The following SFMBT2 variants were observed in gnomAD, a reference collection of about 807,000 sequenced individuals.
SFMBT2 encodes the protein scm-like with four MBT domains protein 2.
In SFMBT2, 38 loss-of-function variants were observed where a neutral mutation model predicts 110.1. The observed-to-expected ratio is 0.35, with a 90% CI of 0.27 to 0.45. SFMBT2 has a LOEUF of 0.45. Ranked by LOEUF, SFMBT2 falls within the 20% of genes least tolerant of loss-of-function variation. The pLI is 1.00. For missense variants in SFMBT2, 1,011 were observed against 1,094.9 expected (o/e 0.92, Z 1.08); for synonymous variants, 425 against 425.4 (o/e 1.00, Z 0.01).
intron 15 of SFMBT2, among the ~76,000 whole-genome samples, chr10:7,195,726 C>T (rs2131591333): frequency 6.6e-6 from 1 of 152,302 alleles, no homozygotes. Flanking sequence ...ACCTGTTCCG[C>T]AGTCCCCACA....
At chr10:7,365,908 G>C (rs149885600) in intron 4 of SFMBT2, among the ~76,000 whole-genome samples, 1 of 152,178 alleles carries the variant, frequency 6.6e-6, no homozygotes, top group Non-Finnish European at 1.5e-5. Flanking sequence ...ACAACCTTGT[G>C]AATATACTAA....
At chr10:7,312,279 A>C (rs1462313864) in intron 4 of SFMBT2, among the ~76,000 whole-genome samples, 1 of 152,194 alleles carries the variant, frequency 6.6e-6, no homozygotes, top group Non-Finnish European at 1.5e-5. Context: ...TTGTAGGAGT[A>C]GTAACGGCAT....
At chr10:7,286,675 T>A (rs1166346948) in intron 4 of SFMBT2, among the ~76,000 whole-genome samples, 2 of 152,218 alleles carry the variant, frequency 1.3e-5, no homozygotes, top group Admixed American at 1.3e-4. Flanking sequence ...TGCAGAAAGA[T>A]GTACATAGGT....
chr10:7,321,467 C>T (rs772482852), intron 4 of SFMBT2, among the ~76,000 whole-genome samples: 1 of 152,134 alleles, frequency 6.6e-6, no homozygotes, highest in Non-Finnish European at 1.5e-5. Context: ...TCCCAAAGTG[C>T]TGGGATTACA....
intron 1 of SFMBT2, among the ~76,000 whole-genome samples, chr10:7,405,809 C>A (rs1200530838): frequency 3.4e-5 from 5 of 147,192 alleles, no homozygotes; most frequent in Admixed American, 6.9e-5. Flanking sequence ...TCCACCTACA[C>A]ACTAGGCCCG....
Position 7,172,216 on chromosome 10 carries a change from C to A in SFMBT2, c.2152-58G>T. On this transcript the variant is annotated intron_variant, in intron 18 of 20. Coordinates refer to ENST00000397167, the MANE Select transcript of SFMBT2 (RefSeq NM_001387889.1). The surrounding 1 kb of genome is among the most constrained non-coding windows in gnomAD (Gnocchi z 4.6). ...GTGGCCCGGGGGCCTGTAGCGGTGG[C>A]CCCGCGGTCAGACCCTGGGCCCAGT... 2.0e-6 allele frequency: 3 copies of A among 1,506,192 alleles called. No homozygotes were observed. The highest frequency in any genetic ancestry group is 2.7e-6 in the Non-Finnish European group (3 of 1,128,694). 93.3% of individuals were successfully genotyped at this position (1,506,192 alleles called of 1,614,324 possible).
rs185412204 is a variant in SFMBT2 at position 7,166,904 on chromosome 10, C to T, written c.2545-2994G>A. 2.5e-3 allele frequency among the ~76,000 whole-genome samples: 382 copies of T among 152,298 alleles called. 1 individual carries two copies. The highest frequency in any genetic ancestry group is 4.2e-3 in the Non-Finnish European group (285 of 68,024). Reference sequence around the variant, plus strand: ...TTTCTTTCAAGGATTATTTAGGTAACAGCATACCTCACAGGTGGTTTGATT... The same window carrying T: ...TTTCTTTCAAGGATTATTTAGGTAATAGCATACCTCACAGGTGGTTTGATT... On this transcript the variant is annotated intron_variant, in intron 20 of 20. Coordinates refer to ENST00000397167, the MANE Select transcript of SFMBT2 (RefSeq NM_001387889.1).
intron 5 of SFMBT2, chr10:7,285,010 T>A (rs1842047728): frequency 6.6e-6 from 1 of 152,242 alleles, no homozygotes; most frequent in Non-Finnish European, 1.5e-5. Context: ...ACCCGTTAAC[T>A]ATATTAGACT....
At chr10:7,196,038 A>T (rs899512972) in intron 15 of SFMBT2, among the ~76,000 whole-genome samples, 3 of 152,170 alleles carry the variant, frequency 2.0e-5, no homozygotes, top group Non-Finnish European at 2.9e-5. Context: ...GGAAGAGAAA[A>T]TGCCCTCTGA....
intron 4 of SFMBT2, among the ~76,000 whole-genome samples, chr10:7,364,148 T>C (rs1844815807): frequency 6.6e-6 from 1 of 152,240 alleles, no homozygotes. Context: ...ATAAAACTTC[T>C]TGCCCCATGA....
At chr10:7,391,434 C>T (rs1317668111) in intron 1 of SFMBT2, among the ~76,000 whole-genome samples, 1 of 151,236 alleles carries the variant, frequency 6.6e-6, no homozygotes, top group Non-Finnish European at 1.5e-5. Context: ...CTACTGCACT[C>T]CAGCCTGGGC....
At chr10:7,186,431 C>T (rs2462711) in intron 16 of SFMBT2, among the ~76,000 whole-genome samples, 2,659 of 42,454 alleles carry the variant, frequency 0.063, 67 homozygotes, top group African/African-American at 0.25. Context: ...TATATACACA[C>T]ACACACACAC....
At chr10:7,348,594 C>T (rs118137821) in intron 4 of SFMBT2, among the ~76,000 whole-genome samples, 3,492 of 152,288 alleles carry the variant, frequency 0.023, 54 homozygotes, top group Non-Finnish European at 0.039. Flanking sequence ...CTTGGAAATA[C>T]AGGTTGGCTA....
intron 4 of SFMBT2, among the ~76,000 whole-genome samples, chr10:7,331,780 G>C (rs1049320664): frequency 6.6e-6 from 1 of 152,104 alleles, no homozygotes; most frequent in Admixed American, 6.5e-5. Context: ...AAGGCAGGCG[G>C]TTCACCTGAG....
intron 7 of SFMBT2, among the ~76,000 whole-genome samples, chr10:7,256,798 T>G (rs887885282): frequency 1.3e-5 from 2 of 152,074 alleles, no homozygotes; most frequent in Non-Finnish European, 2.9e-5. Flanking sequence ...ACAGGCACCA[T>G]CCTATGATGG....
chr10:7,330,189 C>G (rs1360728471), intron 4 of SFMBT2, among the ~76,000 whole-genome samples: 1 of 152,104 alleles, frequency 6.6e-6, no homozygotes, highest in East Asian at 1.9e-4. Context: ...GGCTATTTCT[C>G]AAGATTCTGT....
At chr10:7,297,159 A>T (rs1842427530) in intron 4 of SFMBT2, among the ~76,000 whole-genome samples, 1 of 152,228 alleles carries the variant, frequency 6.6e-6, no homozygotes, top group African/African-American at 2.4e-5. Flanking sequence ...CTCCTAGAAA[A>T]GGGAAAACAG....
At position 7,319,820 on chromosome 10, in the gene SFMBT2, CAG is replaced by C. The variant is rs558936586; in HGVS notation, c.437-33868_437-33867del. 5.5e-3 allele frequency among the ~76,000 whole-genome samples: 660 copies of C among 120,016 alleles called. 6 individuals carry two copies. The highest frequency in any genetic ancestry group is 0.019 in the African/African-American group (577 of 31,008). 78.7% of individuals were successfully genotyped at this position (120,016 alleles called of 152,430 possible). A position where few individuals can be genotyped will look rare whatever the true frequency, so the allele number is the denominator to read the frequency against. On this transcript the variant is annotated intron_variant, in intron 4 of 20. Transcript: ENST00000397167. ...AGACAGACAGAGACTGAGAGAGAGA[CAG>C]AGAGAGACAGAGAGGAAGACAGAGA...
chr10:7,174,045 G>T (rs957967436), intron 17 of SFMBT2, among the ~76,000 whole-genome samples: 8 of 152,132 alleles, frequency 5.3e-5, no homozygotes, highest in African/African-American at 1.9e-4. Context: ...TCACAGCATG[G>T]CATTTGGAAA....
Sources: gnomAD v4.1 joint callset for allele counts (sites outside exome capture counted in the v4.1 genomes callset) on GRCh38, gnomAD v4.1.1 for gene constraint, Gnocchi (gnomAD v3.1) non-coding constraint, MANE v1.5 for transcripts, NCBI Gene and HGNC (gene_info 2026-07-23, HGNC 2026-07-21) for gene names.